Variants in AEBP2 observed in about 807,000 individuals in gnomAD.
AEBP2 encodes the protein zinc finger protein AEBP2.
AEBP2 carries 10 observed loss-of-function variants against 50.8 expected under a neutral mutation model. That is an observed-to-expected ratio of 0.20 (90% CI 0.12 to 0.33). The LOEUF (loss-of-function observed/expected upper bound fraction) is 0.33, where lower values mean the gene tolerates loss of function less well. AEBP2 is among the 10% of genes least tolerant of loss of function. The probability of loss-of-function intolerance (pLI) is 1.00; values close to 1 mark genes in which losing one functional copy is unlikely to be tolerated. For missense variants in AEBP2, 570 were observed against 688.0 expected, an observed-to-expected ratio of 0.83 and a Z score of 1.92; for synonymous variants, 296 against 261.3, an observed-to-expected ratio of 1.13 and a Z score of -1.28.
Position 19,439,540 on chromosome 12 carries a change from C to G in AEBP2, c.-160C>G, listed in dbSNP as rs1181296711. ...TCGCGCGCCTGTCCCCGCGCGGGCT[C>G]CGTAGCGCGTGTGCAGGCTGACGCA... On this transcript the variant is annotated 5_prime_UTR_variant, in exon 1 of 8. Coordinates refer to ENST00000266508, the MANE Select transcript of AEBP2 (RefSeq NM_153207.5). 1.1e-5 allele frequency: 11 copies of G among 962,120 alleles called. No homozygotes were observed. Among genetic ancestry groups the G allele is most frequent in the Admixed American group, 3.4e-5 (1 of 29,612 alleles). The allele number at this position is 962,120 out of a possible 1,614,324, so 59.6% of individuals were successfully genotyped here. A position where few individuals can be genotyped will look rare whatever the true frequency, so the allele number is the denominator to read the frequency against.
intron 1 of AEBP2, among the ~76,000 whole-genome samples, chr12:19,414,720 C>T (rs974408742): frequency 2.0e-5 from 3 of 152,072 alleles, no homozygotes; most frequent in Non-Finnish European, 4.4e-5. Context: ...GTCAAGAGTT[C>T]GAGACCAACC....
chr12:19,453,500 T>G (rs1046061401), intron 1 of AEBP2, among the ~76,000 whole-genome samples: 3 of 151,806 alleles, frequency 2.0e-5, no homozygotes, highest in Middle Eastern at 3.5e-3. Context: ...CTCAGCTCAC[T>G]GTAGCCTCCG....
chr12:19,405,110 C>T (rs4963534), intron 1 of AEBP2, among the ~76,000 whole-genome samples: 3,424 of 149,066 alleles, frequency 0.023, 47 homozygotes, highest in East Asian at 0.048. Context: ...TAATTTTTTG[C>T]CTTTTTAGTA....
In AEBP2 at chr12:19,518,298, C is replaced by T; in HGVS notation, c.*181C>T. 28 of 1,289,144 alleles carry T rather than the reference C, an allele frequency of 2.2e-5. No individual in the cohort carries two copies. The highest frequency in any genetic ancestry group is 2.6e-5 in the Non-Finnish European group (27 of 1,020,610). 79.9% of individuals were successfully genotyped at this position (1,289,144 alleles called of 1,614,324 possible). A position where few individuals can be genotyped will look rare whatever the true frequency, so the allele number is the denominator to read the frequency against. On this transcript the variant is annotated 3_prime_UTR_variant, in exon 8 of 8. Transcript: ENST00000266508. The stretch of plus-strand genomic sequence containing the variant: ...GTAAACATTCTGTGAATGAAGTAGA[C>T]TCTTCGGTGGAATATATTAATATAT...
intron 2 of AEBP2, chr12:19,466,741 T>A (rs1948483368): frequency 1.1e-6 from 1 of 951,466 alleles, no homozygotes; most frequent in Admixed American, 6.2e-5. Context: ...CTTCTTTCTC[T>A]CTTAAGTGTT....
chr12:19,479,347 C>T (rs564678515), intron 3 of AEBP2, among the ~76,000 whole-genome samples: 15 of 152,134 alleles, frequency 9.9e-5, no homozygotes, highest in South Asian at 2.1e-4. Context: ...GTATTGAAGT[C>T]CCCCACTATT....
chr12:19,429,722 T>C (rs1210009201), intron 1 of AEBP2, among the ~76,000 whole-genome samples: 2 of 152,218 alleles, frequency 1.3e-5, no homozygotes, highest in Non-Finnish European at 2.9e-5. Flanking sequence ...ATTTCTCTGA[T>C]GGCCAGTGAT....
At chr12:19,407,927 T>G (rs2095737192) in intron 1 of AEBP2, among the ~76,000 whole-genome samples, 1 of 151,944 alleles carries the variant, frequency 6.6e-6, no homozygotes, top group Admixed American at 6.6e-5. Flanking sequence ...GGTGCATGCC[T>G]GTAATCCCAG....
upstream of AEBP2, among the ~76,000 whole-genome samples, chr12:19,435,280 AT>A (rs35017794): frequency 2.2e-4 from 32 of 142,882 alleles, no homozygotes; most frequent in East Asian, 1.4e-3. Context: ...TGACTGGCTA[AT>A]TTTTTTTTTT....
At chr12:19,493,751 G>T (rs1385185997) in intron 3 of AEBP2, 49 bp from the exon 4 acceptor site, 5 of 1,538,784 alleles carry the variant, frequency 3.2e-6, no homozygotes, top group South Asian at 1.2e-5. Flanking sequence ...TATTCTTCTC[G>T]TGCCCTACAC....
rs932389789 is a variant in AEBP2, at chr12:19,509,885, T to C, written c.1300-2513T>C. ...ACTCACTTTGTTGCTTGGACTGGAG[T>C]GCAGTGGCATGATCTCGGCTCACTG... On this transcript the variant is annotated intron_variant, in intron 5 of 7. Transcript: ENST00000266508. Among the ~76,000 whole-genome samples, 15 of 130,874 alleles carry C rather than the reference T, an allele frequency of 1.1e-4. No individual in the cohort carries two copies. The South Asian group carries it at 2.5e-3, about 22-fold the overall frequency. The allele number at this position is 130,874 out of a possible 152,430, so 85.9% of individuals were successfully genotyped here.
Position 19,426,732 on chromosome 12 carries a change from C to T in AEBP2, c.-17+22516C>T, listed in dbSNP as rs1003172453. ...CAGCCTGGCCAACATGGTGAAACCCCATCTCTACTAAAAATACAAAAATTA... is the reference window on the plus strand; with the variant it reads ...CAGCCTGGCCAACATGGTGAAACCCTATCTCTACTAAAAATACAAAAATTA... On this transcript the variant is annotated intron_variant, in intron 1 of 3. Coordinates refer to the AEBP2 transcript ENST00000538425. 7.2e-5 allele frequency among the ~76,000 whole-genome samples: 11 copies of T among 151,916 alleles called. 1 individual carries two copies. The highest frequency in any genetic ancestry group is 6.6e-5 in the Admixed American group (1 of 15,224).
chr12:19,414,274 A>G (rs1003112900), intron 1 of AEBP2, among the ~76,000 whole-genome samples: 1 of 152,110 alleles, frequency 6.6e-6, no homozygotes, highest in Non-Finnish European at 1.5e-5. Context: ...CTGGGAATAC[A>G]GCCCCGTAGG....
At chr12:19,445,457 G>T (rs1213365512) in intron 1 of AEBP2, among the ~76,000 whole-genome samples, 9 of 150,008 alleles carry the variant, frequency 6.0e-5, no homozygotes, top group African/African-American at 2.5e-5. Context: ...CAAATGATCC[G>T]CTTGCCTCGG....
At chr12:19,486,101 C>T (rs12231406) in intron 3 of AEBP2, among the ~76,000 whole-genome samples, 3,261 of 152,082 alleles carry the variant, frequency 0.021, 37 homozygotes, top group East Asian at 0.042. Context: ...TTCAGTAAGA[C>T]AAGATTTCTA....
Position 19,518,604 on chromosome 12 carries a change from T to TA in AEBP2, c.*488dup, listed in dbSNP as rs1366406302. On this transcript the variant is annotated 3_prime_UTR_variant, in exon 8 of 8. Transcript: ENST00000266508. ...TAGGAAATATTTAGACAATGAAAAT[T>TA]ATCAAGAGATAATTTACCTTTCAAT... 4.3e-6 allele frequency: 6 copies of TA among 1,400,768 alleles called. No individual in the cohort carries two copies. The highest frequency in any genetic ancestry group is 1.9e-6 in the Non-Finnish European group (2 of 1,053,534). The allele number at this position is 1,400,768 out of a possible 1,614,324, so 86.8% of individuals were successfully genotyped here.
intron 1 of AEBP2, among the ~76,000 whole-genome samples, chr12:19,408,322 C>T (rs1240748538): frequency 1.3e-5 from 2 of 151,870 alleles, no homozygotes; most frequent in African/African-American, 2.4e-5. Flanking sequence ...TATGGGAGGC[C>T]GAGGTGGACG....
chr12:19,462,945 T>A (rs925215682), intron 2 of AEBP2, among the ~76,000 whole-genome samples: 1 of 152,206 alleles, frequency 6.6e-6, no homozygotes, highest in Non-Finnish European at 1.5e-5. Context: ...TTTGAAGAAA[T>A]TAGACTTTTA....
At chr12:19,469,929 G>T (rs915925022) in intron 2 of AEBP2, among the ~76,000 whole-genome samples, 2 of 152,164 alleles carry the variant, frequency 1.3e-5, no homozygotes, top group African/African-American at 4.8e-5. Context: ...AAATTTGGAT[G>T]TAATTGGAAT....
Sources: gnomAD v4.1 joint callset for allele counts (sites outside exome capture counted in the v4.1 genomes callset) on GRCh38, gnomAD v4.1.1 for gene constraint, MANE v1.5 for transcripts, NCBI Gene and HGNC (gene_info 2026-07-23, HGNC 2026-07-21) for gene names.